The following PPIL4 variants were observed in gnomAD, a reference collection of about 807,000 sequenced individuals.
PPIL4 encodes peptidyl-prolyl cis-trans isomerase-like 4.
PPIL4 carries 50 observed loss-of-function variants against 69.1 expected under a neutral mutation model. That is an observed-to-expected ratio of 0.72 (90% CI 0.58 to 0.92). The LOEUF is 0.92. PPIL4 is among the 40% of genes least tolerant of loss of function. The probability of loss-of-function intolerance (pLI) is 0.00; values close to 1 mark genes in which losing one functional copy is unlikely to be tolerated. For synonymous variants in PPIL4, 193 were observed against 191.6 expected, an observed-to-expected ratio of 1.01 and a Z score of -0.06; for missense variants, 480 against 587.9, an observed-to-expected ratio of 0.82 and a Z score of 1.90.
intron 12 of PPIL4, among the ~76,000 whole-genome samples, chr6:149,510,910 ATTT>A (rs1227466113): frequency 6.6e-6 from 1 of 152,034 alleles, no homozygotes; most frequent in African/African-American, 2.4e-5. Flanking sequence ...TTGCACACGC[ATTT>A]TTTTCACTGA....
intron 1 of PPIL4, among the ~76,000 whole-genome samples, chr6:149,543,450 T>C (rs917365453): frequency 6.6e-6 from 1 of 152,216 alleles, no homozygotes; most frequent in Non-Finnish European, 1.5e-5. Context: ...TTTTAACCAA[T>C]ATATGGACTT....
chr6:149,511,863 A>T (rs1776848447), intron 12 of PPIL4, among the ~76,000 whole-genome samples: 1 of 152,162 alleles, frequency 6.6e-6, no homozygotes, highest in African/African-American at 2.4e-5. Context: ...GCACAACCAC[A>T]CTTGTTTCTG....
chr6:149,515,683 C>T (rs540226410), intron 11 of PPIL4, among the ~76,000 whole-genome samples: 2 of 152,058 alleles, frequency 1.3e-5, no homozygotes, highest in African/African-American at 2.4e-5. Flanking sequence ...CTTGTCATAC[C>T]CTCAAGACAC....
chr6:149,537,382 G>A (rs1412431065), intron 4 of PPIL4, among the ~76,000 whole-genome samples: 1 of 152,126 alleles, frequency 6.6e-6, no homozygotes, highest in African/African-American at 2.4e-5. Context: ...AATGCTCACT[G>A]ACTATACCAA....
intron 10 of PPIL4, among the ~76,000 whole-genome samples, chr6:149,518,888 C>T (rs1458755882): frequency 6.6e-6 from 1 of 152,150 alleles, no homozygotes; most frequent in African/African-American, 2.4e-5. Flanking sequence ...ATAATACCAA[C>T]ATTTCACAGA....
Position 149,546,030 on chromosome 6 carries a change from A to C in PPIL4, c.-25T>G, listed in dbSNP as rs765072722. Reference sequence around the variant, plus strand: ...TGGCGCCCGCTCCTCCTCCGCTACAAACCCCGGGAGGAGGGGGGTGACAGG... The same window carrying C: ...TGGCGCCCGCTCCTCCTCCGCTACACACCCCGGGAGGAGGGGGGTGACAGG... On this transcript the variant is annotated 5_prime_UTR_variant, in exon 1 of 13. Coordinates refer to ENST00000253329, the MANE Select transcript of PPIL4 (RefSeq NM_139126.4). The C allele has an allele frequency of 1.3e-6, 2 of 1,558,598 alleles. No individual in the cohort carries two copies. Among genetic ancestry groups the C allele is most frequent in the Non-Finnish European group, 1.7e-6 (2 of 1,148,968 alleles).
intron 7 of PPIL4, among the ~76,000 whole-genome samples, chr6:149,530,746 A>C (rs183193060): frequency 1.3e-5 from 2 of 152,232 alleles, no homozygotes; most frequent in Admixed American, 6.5e-5. Flanking sequence ...GGAAATTACC[A>C]CTTTGCATAA....
At chr6:149,526,095 T>C (rs1351792196) in intron 8 of PPIL4, among the ~76,000 whole-genome samples, 1 of 152,066 alleles carries the variant, frequency 6.6e-6, no homozygotes, top group East Asian at 1.9e-4. Flanking sequence ...CGAGACTCCA[T>C]GTCAAAAAAA....
rs776614367 is a variant in PPIL4 at position 149,534,818 on chromosome 6, T to A, written c.465-44A>T. On this transcript the variant is annotated intron_variant, in intron 5 of 12. Coordinates refer to ENST00000253329, the MANE Select transcript of PPIL4 (RefSeq NM_139126.4). Reference sequence around the variant, plus strand: ...ATCAAATGTTATACATTGAAGTTATTTCAGAATCCTATTTTATTTTAATAG... The same window carrying A: ...ATCAAATGTTATACATTGAAGTTATATCAGAATCCTATTTTATTTTAATAG... 2.6e-6 allele frequency: 3 copies of A among 1,136,946 alleles called. No homozygotes were observed. The African/African-American group carries it at 4.7e-5, about 18-fold the overall frequency. 70.4% of individuals were successfully genotyped at this position (1,136,946 alleles called of 1,614,324 possible). A position where few individuals can be genotyped will look rare whatever the true frequency, so the allele number is the denominator to read the frequency against.
At chr6:149,507,399 T>C (rs1368805153) in intron 12 of PPIL4, among the ~76,000 whole-genome samples, 1 of 152,168 alleles carries the variant, frequency 6.6e-6, no homozygotes, top group East Asian at 1.9e-4. Flanking sequence ...AAAAAATGAG[T>C]AGGCATTTTG....
intron 4 of PPIL4, among the ~76,000 whole-genome samples, 160 bp from the exon 5 acceptor site, chr6:149,535,898 T>C (rs1777268432): frequency 6.6e-6 from 1 of 152,250 alleles, no homozygotes; most frequent in Admixed American, 6.5e-5. Context: ...AGTACAAAGC[T>C]TATACTGGCA....
At chr6:149,541,346 T>C (rs1329625919) in intron 3 of PPIL4, 21 bp downstream of exon 3, 2 of 1,073,130 alleles carry the variant, frequency 1.9e-6, no homozygotes. Flanking sequence ...AATAAATAAA[T>C]AAATAAATAA....
intron 6 of PPIL4, 67 bp from the exon 7 acceptor site, chr6:149,533,641 ATACTT>A (rs1304226787): frequency 1.1e-6 from 1 of 888,420 alleles, no homozygotes; most frequent in African/African-American, 1.7e-5. Context: ...CATAGAAGAC[ATACTT>A]TATTCTTAGT....
intron 4 of PPIL4, among the ~76,000 whole-genome samples, chr6:149,537,580 G>A (rs562143324): frequency 3.7e-4 from 57 of 152,080 alleles, no homozygotes; most frequent in African/African-American, 1.2e-3. Flanking sequence ...GGTGGCAGGC[G>A]CCTGTAGTCC....
chr6:149,536,719 G>A (rs1478537419), intron 4 of PPIL4, among the ~76,000 whole-genome samples: 12 of 145,924 alleles, frequency 8.2e-5, no homozygotes, highest in African/African-American at 2.3e-4. Flanking sequence ...GAGGCCAGGC[G>A]CAGTGAATTA....
intron 12 of PPIL4, 68 bp from the exon 13 acceptor site, chr6:149,505,772 T>A: frequency 6.8e-7 from 1 of 1,470,804 alleles, no homozygotes; most frequent in Non-Finnish European, 9.3e-7. Flanking sequence ...TTTCAATTAA[T>A]AAAACTTAGA....
chr6:149,505,776 A>C, intron 12 of PPIL4, 72 bp from the exon 13 acceptor site: 1 of 1,451,398 alleles, frequency 6.9e-7, no homozygotes. Flanking sequence ...AATTAATAAA[A>C]CTTAGAAAAG....
intron 9 of PPIL4, among the ~76,000 whole-genome samples, chr6:149,524,379 G>T (rs1476426391): frequency 6.6e-6 from 1 of 152,038 alleles, no homozygotes; most frequent in African/African-American, 2.4e-5. Context: ...CTCTAGAAGG[G>T]GCCATCTATT....
At chr6:149,522,706 G>A (rs377567937) in intron 9 of PPIL4, among the ~76,000 whole-genome samples, 1 of 152,190 alleles carries the variant, frequency 6.6e-6, no homozygotes, top group East Asian at 1.9e-4. Flanking sequence ...TCTGCCTCCC[G>A]AGTTCAAGCA....
Sources: gnomAD v4.1 joint callset for allele counts (sites outside exome capture counted in the v4.1 genomes callset) on GRCh38, gnomAD v4.1.1 for gene constraint, MANE v1.5 for transcripts, NCBI Gene and HGNC (gene_info 2026-07-23, HGNC 2026-07-21) for gene names.